SNX29: variants seen among roughly 807,000 people sequenced by gnomAD.
SNX29 encodes the protein sorting nexin-29.
Under a neutral mutation model 102.1 loss-of-function variants are expected in SNX29, and 78 were observed. The observed-to-expected ratio is 0.76, with a 90% CI of 0.64 to 0.92. The LOEUF (loss-of-function observed/expected upper bound fraction) is 0.92. Ranked by LOEUF, SNX29 falls within the 40% of genes least tolerant of loss-of-function variation. SNX29 has a pLI of 0.00. For missense variants in SNX29, 1,280 were observed against 1,061.7 expected, an observed-to-expected ratio of 1.21 and a Z score of -2.86; for synonymous variants, 580 against 414.5, an observed-to-expected ratio of 1.40 and a Z score of -4.85.
intron 20 of SNX29, among the ~76,000 whole-genome samples, chr16:12,566,127 CA>C (rs2078994887): frequency 6.6e-6 from 1 of 152,240 alleles, no homozygotes; most frequent in South Asian, 2.1e-4. Context: ...GTCCAAGGCT[CA>C]GAGGGCAGGC....
intron 4 of SNX29, among the ~76,000 whole-genome samples, chr16:12,032,863 G>C (rs1399717712): frequency 6.6e-6 from 1 of 151,212 alleles, no homozygotes; most frequent in Non-Finnish European, 1.5e-5. Context: ...GCCAGTGTTG[G>C]GTTTTTATTT....
At chr16:12,554,850 G>A (rs867211212) in intron 20 of SNX29, among the ~76,000 whole-genome samples, 2 of 152,160 alleles carry the variant, frequency 1.3e-5, no homozygotes, top group Non-Finnish European at 2.9e-5. Flanking sequence ...TAGGTGCCAG[G>A]GTGCTCAGGA....
chr16:12,512,119 C>T (rs778108064), intron 19 of SNX29, among the ~76,000 whole-genome samples: 18 of 151,598 alleles, frequency 1.2e-4, no homozygotes, highest in Non-Finnish European at 2.5e-4. Context: ...GTTCTGGCTT[C>T]GTGGTACAGG....
chr16:11,998,510 T>C (rs1202815345), intron 1 of SNX29, among the ~76,000 whole-genome samples: 1 of 152,246 alleles, frequency 6.6e-6, no homozygotes, highest in Non-Finnish European at 1.5e-5. Context: ...GTTTCTAGTC[T>C]TGGCTTACCA....
intron 15 of SNX29, among the ~76,000 whole-genome samples, chr16:12,305,347 C>T (rs1419815718): frequency 2.0e-5 from 3 of 152,226 alleles, no homozygotes; most frequent in Non-Finnish European, 4.4e-5. Flanking sequence ...TGGAGCAGGG[C>T]AAGGCTAAGG....
At position 12,115,290 on chromosome 16, in the gene SNX29, C is replaced by A. The variant is rs368532007; in HGVS notation, c.1403-11343C>A. On this transcript the variant is annotated intron_variant, in intron 11 of 20. Transcript: ENST00000566228. ...GGACTGGATTCTCCTCCACAAGTAC[C>A]GAAGGAAGAAAGTGGGTTTCTCAGT... Among the ~76,000 whole-genome samples, 4 of 152,032 alleles carry A rather than the reference C, an allele frequency of 2.6e-5. No individual in the cohort carries two copies. The East Asian group carries it at 7.7e-4, about 29-fold the overall frequency.
At chr16:12,416,905 T>A (rs927680311) in intron 18 of SNX29, among the ~76,000 whole-genome samples, 90 of 152,298 alleles carry the variant, frequency 5.9e-4, no homozygotes, top group Admixed American at 3.5e-3. Context: ...GGGGTGACAT[T>A]GCAACATGAT....
chr16:12,278,783 G>A (rs1009059740), intron 15 of SNX29, among the ~76,000 whole-genome samples: 4 of 152,120 alleles, frequency 2.6e-5, no homozygotes, highest in South Asian at 2.1e-4. Flanking sequence ...AAATTCAGTC[G>A]CATATTAAAA....
chr16:12,133,581 G>A (rs112652684), intron 13 of SNX29, among the ~76,000 whole-genome samples: 2,629 of 152,252 alleles, frequency 0.017, 68 homozygotes, highest in African/African-American at 0.06. Context: ...ATGAGCCACT[G>A]CTCTTGGCAT....
chr16:12,553,278 A>G (rs1341365389), intron 20 of SNX29, among the ~76,000 whole-genome samples: 1 of 152,234 alleles, frequency 6.6e-6, no homozygotes, highest in East Asian at 1.9e-4. Flanking sequence ...CTAGGGGCAC[A>G]GAGTAAGAGG....
intron 14 of SNX29, among the ~76,000 whole-genome samples, chr16:12,228,057 C>G (rs1303367900): frequency 6.6e-6 from 1 of 152,150 alleles, no homozygotes; most frequent in African/African-American, 2.4e-5. Flanking sequence ...AGGAGGATCA[C>G]TTCAGCCCAG....
intron 19 of SNX29, among the ~76,000 whole-genome samples, chr16:12,495,659 A>G (rs981009388): frequency 6.6e-6 from 1 of 152,234 alleles, no homozygotes; most frequent in African/African-American, 2.4e-5. Flanking sequence ...GGTAGTGACA[A>G]AATCCAGTTT....
Position 12,558,578 on chromosome 16 carries a change from C to T in SNX29, c.2319-9928C>T, listed in dbSNP as rs565178403. Among the ~76,000 whole-genome samples the T allele has an allele frequency of 3.3e-5, 5 of 152,334 alleles. No individual in the cohort carries two copies. In the South Asian group the frequency reaches 1.0e-3, roughly 32 times the overall value. On this transcript the variant is annotated intron_variant, in intron 20 of 20. Coordinates refer to ENST00000566228, the MANE Select transcript of SNX29 (RefSeq NM_032167.5). ...CTCAGTACCCCGTCCATGGTGGATCCATACACCTGTCACTCTCTGCCACAG... is the reference window on the plus strand; with the variant it reads ...CTCAGTACCCCGTCCATGGTGGATCTATACACCTGTCACTCTCTGCCACAG...
intron 18 of SNX29, among the ~76,000 whole-genome samples, chr16:12,460,162 C>G (rs2086718248): frequency 6.6e-6 from 1 of 152,214 alleles, no homozygotes; most frequent in Non-Finnish European, 1.5e-5. Context: ...CATTCCTTCT[C>G]ACAAGAGCTG....
chr16:12,171,859 A>T (rs2076156859), intron 13 of SNX29, among the ~76,000 whole-genome samples: 1 of 152,106 alleles, frequency 6.6e-6, no homozygotes, highest in Admixed American at 6.5e-5. Context: ...CCTAGTTTTG[A>T]TCATCAGTTC....
rs2079205727 is a variant in SNX29 at position 12,572,390 on chromosome 16, A to G, written c.*3761A>G. The G allele has an allele frequency of 9.4e-7, 1 of 1,063,028 alleles. No individual in the cohort carries two copies. The highest frequency in any genetic ancestry group is 4.6e-5 in the South Asian group (1 of 21,972). The allele number at this position is 1,063,028 out of a possible 1,614,324, so 65.8% of individuals were successfully genotyped here. On this transcript the variant is annotated 3_prime_UTR_variant, in exon 21 of 21. Coordinates refer to ENST00000566228, the MANE Select transcript of SNX29 (RefSeq NM_032167.5). ...CCTTCTGGAGGCGGCTTATATCCCA[A>G]CAGCCTGAGGCAGGGCTCTGTGGCC... is the stretch of plus-strand genomic sequence containing the variant.
chr16:12,097,982 C>G (rs2052841807), intron 11 of SNX29, among the ~76,000 whole-genome samples: 1 of 152,238 alleles, frequency 6.6e-6, no homozygotes, highest in Admixed American at 6.5e-5. Context: ...GCACCCCAGG[C>G]TCCTGCAGTC....
Position 12,088,861 on chromosome 16 carries a change from G to A in SNX29, c.1402+9946G>A, listed in dbSNP as rs139312597. ...AGCACTTTGGGAGGCTGAGGCGGGCGGATTACTCTTGAGGTCAGGAGTTCG... is the reference window on the plus strand; with the variant it reads ...AGCACTTTGGGAGGCTGAGGCGGGCAGATTACTCTTGAGGTCAGGAGTTCG... On this transcript the variant is annotated intron_variant, in intron 11 of 20. Coordinates refer to ENST00000566228, the MANE Select transcript of SNX29 (RefSeq NM_032167.5). Among the ~76,000 whole-genome samples the A allele has an allele frequency of 1.6e-3, 242 of 152,150 alleles. 5 individuals carry two copies. In the East Asian group the frequency reaches 0.043, roughly 27 times the overall value.
At chr16:12,124,311 A>T (rs949399415) in intron 11 of SNX29, among the ~76,000 whole-genome samples, 5 of 151,334 alleles carry the variant, frequency 3.3e-5, no homozygotes, top group Non-Finnish European at 5.9e-5. Context: ...AGCCGAGATC[A>T]TACCACTGCA....
Sources: allele counts gnomAD v4.1 joint callset (sites outside exome capture counted in the v4.1 genomes callset), GRCh38; gene constraint gnomAD v4.1.1; transcripts MANE v1.5; gene names NCBI Gene and HGNC (gene_info 2026-07-23, HGNC 2026-07-21).